The following SYTL5 variants were observed in gnomAD, a reference collection of about 807,000 sequenced individuals.
SYTL5 encodes synaptotagmin like 5, also known as synaptotagmin-like protein 5.
Under a neutral mutation model 55.9 loss-of-function variants are expected in SYTL5, and 34 were observed. The observed-to-expected ratio is 0.61, with a 90% CI of 0.46 to 0.81. The LOEUF is 0.81. Ranked by LOEUF, SYTL5 falls within the 30% of genes least tolerant of loss-of-function variation. SYTL5 has a pLI of 0.00. For missense variants in SYTL5, 637 were observed against 546.7 expected (o/e 1.17, Z -1.65); for synonymous variants, 221 against 188.7 (o/e 1.17, Z -1.40).
At chrX:38,034,890 C>T (rs1397318693) in intron 2 of SYTL5, among the ~76,000 whole-genome samples, 1 of 112,143 alleles carries the variant, frequency 8.9e-6, no homozygotes, top group East Asian at 2.8e-4. Flanking sequence ...GTGTTCCTTC[C>T]TCAGTCACTG....
the SYTL5 span, among the ~76,000 whole-genome samples, chrX:37,933,975 T>A: frequency 9.0e-6 from 1 of 111,060 alleles, no homozygotes; most frequent in East Asian, 2.8e-4. Flanking sequence ...TGTAAGGAAA[T>A]CTCAATCTAA....
Position 38,019,914 on chromosome X carries a change from C to T in SYTL5, c.-357+13246C>T, listed in dbSNP as rs771211046. On this transcript the variant is annotated intron_variant, in intron 1 of 16. Transcript: ENST00000297875. ...CCTCCCAAAGAGCTGGGATTACAGA[C>T]CTGAGCCACAATGCCTGGCCCAACA... Among the ~76,000 whole-genome samples, 4 of 111,597 alleles carry T rather than the reference C, an allele frequency of 3.6e-5. No homozygotes were observed. The East Asian group carries it at 1.1e-3, about 31-fold the overall frequency.
At chrX:38,046,459 T>C (rs1158491140) in intron 2 of SYTL5, among the ~76,000 whole-genome samples, 1 of 111,265 alleles carries the variant, frequency 9.0e-6, no homozygotes, top group African/African-American at 3.3e-5. Flanking sequence ...GCATCAGATC[T>C]CATGAGACTT....
intron 2 of SYTL5, among the ~76,000 whole-genome samples, chrX:38,041,598 T>A (rs745945176): frequency 9.8e-5 from 11 of 112,244 alleles, no homozygotes; most frequent in Non-Finnish European, 1.9e-4. Flanking sequence ...AATATTCAGA[T>A]CTGCCTTAAA....
chrX:38,053,970 C>A (rs1308861212), intron 2 of SYTL5, among the ~76,000 whole-genome samples: 1 of 112,052 alleles, frequency 8.9e-6, no homozygotes, highest in Non-Finnish European at 1.9e-5. Context: ...TTGGTTCTAA[C>A]TCCTTGATTC....
At chrX:37,954,493 G>A in the SYTL5 span, among the ~76,000 whole-genome samples, 37 of 111,521 alleles carry the variant, frequency 3.3e-4, no homozygotes, top group South Asian at 8.4e-3. Context: ...GCAAATACAA[G>A]GTCTTAAAGA....
At chrX:38,094,149 C>T in intron 7 of SYTL5, 146 bp from the exon 8 acceptor site, 1 of 468,283 alleles carries the variant, frequency 2.1e-6, no homozygotes, top group Non-Finnish European at 3.4e-6. Flanking sequence ...ACATGGACTC[C>T]TGGTGAGGGT....
At chrX:37,968,748 C>T in the SYTL5 span, among the ~76,000 whole-genome samples, 5 of 111,707 alleles carry the variant, frequency 4.5e-5, no homozygotes, top group South Asian at 3.8e-4. Flanking sequence ...CTAGGCTGAT[C>T]GCTTTCTCAG....
chrX:38,113,898 G>A (rs993347609), intron 13 of SYTL5, among the ~76,000 whole-genome samples: 5 of 111,131 alleles, frequency 4.5e-5, no homozygotes, highest in South Asian at 3.9e-4. Context: ...ATTAAGGAAC[G>A]TCAATACTCC....
At chrX:37,955,457 C>T in the SYTL5 span, among the ~76,000 whole-genome samples, 2 of 111,907 alleles carry the variant, frequency 1.8e-5, no homozygotes, top group Non-Finnish European at 3.8e-5. Flanking sequence ...ACTGTGTTTG[C>T]AAAATGAGTG....
chrX:37,979,831 C>G, the SYTL5 span, among the ~76,000 whole-genome samples: 22 of 106,186 alleles, frequency 2.1e-4, no homozygotes, highest in Admixed American at 7.2e-4. Flanking sequence ...TTTTATTATA[C>G]TTTAAGTTCT....
At chrX:38,109,674 A>C (rs1406881386) in intron 12 of SYTL5, among the ~76,000 whole-genome samples, 2 of 109,055 alleles carry the variant, frequency 1.8e-5, no homozygotes, top group East Asian at 5.8e-4. Flanking sequence ...CAAGATCAGG[A>C]ATCAGTCAGT....
chrX:37,962,342 G>T, the SYTL5 span, among the ~76,000 whole-genome samples: 1 of 110,372 alleles, frequency 9.1e-6, no homozygotes, highest in Non-Finnish European at 1.9e-5. Flanking sequence ...TTTTGTCCCT[G>T]CGATAGTTTG....
the SYTL5 span, among the ~76,000 whole-genome samples, chrX:37,890,635 G>A: frequency 8.9e-6 from 1 of 111,930 alleles, no homozygotes; most frequent in African/African-American, 3.2e-5. Flanking sequence ...CCACTGTGAA[G>A]GAAAATTAAA....
chrX:38,050,425 G>A (rs983547), intron 2 of SYTL5, among the ~76,000 whole-genome samples: 1 of 110,580 alleles, frequency 9.0e-6, no homozygotes, highest in Non-Finnish European at 1.9e-5. Context: ...TGAAAAGATT[G>A]TATCATTCAA....
intron 2 of SYTL5, among the ~76,000 whole-genome samples, chrX:38,041,020 C>T (rs181943851): frequency 8.9e-6 from 1 of 111,835 alleles, no homozygotes; most frequent in Admixed American, 9.5e-5. Context: ...AGTTGAAATG[C>T]GCCACTAAAT....
the SYTL5 span, among the ~76,000 whole-genome samples, chrX:37,961,822 G>T: frequency 9.0e-6 from 1 of 111,543 alleles, no homozygotes; most frequent in East Asian, 2.8e-4. Flanking sequence ...AAAGCAATTT[G>T]TCTTGATCTC....
intron 2 of SYTL5, among the ~76,000 whole-genome samples, chrX:38,036,010 T>C (rs1436489968): frequency 9.0e-6 from 1 of 110,694 alleles, no homozygotes; most frequent in African/African-American, 3.3e-5. Flanking sequence ...CAATAACTTG[T>C]ATTAATAATT....
At chrX:38,099,577 T>C (rs1200667118) in intron 9 of SYTL5, among the ~76,000 whole-genome samples, 3 of 111,229 alleles carry the variant, frequency 2.7e-5, no homozygotes, top group African/African-American at 9.7e-5. Flanking sequence ...TTATTTCTTT[T>C]ACCTGTTTAA....
Sources: gnomAD v4.1 joint callset for allele counts (sites outside exome capture counted in the v4.1 genomes callset) on GRCh38, gnomAD v4.1.1 for gene constraint, MANE v1.5 for transcripts, NCBI Gene and HGNC (gene_info 2026-07-23, HGNC 2026-07-21) for gene names.